SLIT3: variants seen among roughly 807,000 people sequenced by gnomAD.
SLIT3 encodes slit homolog 3 protein.
SLIT3 carries 68 observed loss-of-function variants against 184.0 expected under a neutral mutation model. The ratio of observed to expected loss-of-function variants is 0.37; its 90% CI spans 0.30 to 0.45. The LOEUF (loss-of-function observed/expected upper bound fraction) is 0.45, where lower values mean the gene tolerates loss of function less well. Ranked by LOEUF, SLIT3 falls within the 20% of genes least tolerant of loss-of-function variation. The pLI is 1.00. For synonymous variants in SLIT3, 831 were observed against 828.6 expected, an observed-to-expected ratio of 1.00 and a Z score of -0.05; for missense variants, 1,707 against 2,026.0, an observed-to-expected ratio of 0.84 and a Z score of 3.02.
At chr5:168,690,246 C>T (rs916299394) in intron 29 of SLIT3, among the ~76,000 whole-genome samples, 2 of 152,038 alleles carry the variant, frequency 1.3e-5, no homozygotes, top group African/African-American at 2.4e-5. Context: ...AAGCGATTCT[C>T]CTGCCTCAGC....
intron 22 of SLIT3, 71 bp from the exon 23 acceptor site, chr5:168,722,398 T>C: frequency 3.0e-6 from 4 of 1,348,452 alleles, no homozygotes; most frequent in Non-Finnish European, 4.2e-6. Flanking sequence ...ACTGTTCACG[T>C]TGTGAAACAA....
At chr5:169,126,984 G>T (rs917263513) in intron 4 of SLIT3, among the ~76,000 whole-genome samples, 1 of 150,748 alleles carries the variant, frequency 6.6e-6, no homozygotes, top group African/African-American at 2.4e-5. Flanking sequence ...TGACTTCAAG[G>T]CCTCAAGTAA....
At chr5:169,078,154 C>T (rs1758819886) in intron 4 of SLIT3, among the ~76,000 whole-genome samples, 1 of 152,280 alleles carries the variant, frequency 6.6e-6, no homozygotes, top group Non-Finnish European at 1.5e-5. Context: ...CCACCCACTG[C>T]TTCAATTTCA....
At chr5:168,779,510 C>G (rs1199611084) in intron 12 of SLIT3, among the ~76,000 whole-genome samples, 2 of 152,198 alleles carry the variant, frequency 1.3e-5, no homozygotes, top group South Asian at 2.1e-4. Context: ...CTGCCACCCC[C>G]TTCCTTGGAG....
At chr5:168,835,694 C>A (rs931541405) in intron 6 of SLIT3, among the ~76,000 whole-genome samples, 2 of 151,796 alleles carry the variant, frequency 1.3e-5, no homozygotes, top group African/African-American at 4.8e-5. Flanking sequence ...ACCTGTAATC[C>A]CAGCTACTCA....
intron 4 of SLIT3, among the ~76,000 whole-genome samples, chr5:169,158,302 C>A (rs533784959): frequency 4.9e-4 from 74 of 152,046 alleles, no homozygotes; most frequent in African/African-American, 1.6e-3. Flanking sequence ...ACCATGAAGT[C>A]CAGAAGGAAG....
At chr5:168,668,933 T>C (rs369308429) in intron 35 of SLIT3, among the ~76,000 whole-genome samples, 2 of 152,246 alleles carry the variant, frequency 1.3e-5, no homozygotes, top group East Asian at 3.8e-4. Context: ...GATGCCCAGC[T>C]AATTTTTGTA....
At chr5:168,820,387 C>T (rs931096013) in intron 7 of SLIT3, among the ~76,000 whole-genome samples, 2 of 152,110 alleles carry the variant, frequency 1.3e-5, no homozygotes, top group Non-Finnish European at 2.9e-5. Context: ...ACTTTGACTT[C>T]GGGTGGCAAT....
intron 4 of SLIT3, among the ~76,000 whole-genome samples, chr5:169,056,913 C>G (rs921977416): frequency 6.6e-6 from 1 of 152,206 alleles, no homozygotes; most frequent in African/African-American, 2.4e-5. Context: ...GCTGTGTGAC[C>G]TTGCTGGGTC....
At chr5:169,160,658 G>A (rs1762447544) in intron 4 of SLIT3, among the ~76,000 whole-genome samples, 1 of 152,218 alleles carries the variant, frequency 6.6e-6, no homozygotes, top group Non-Finnish European at 1.5e-5. Flanking sequence ...TAAGCTGGAG[G>A]AATGAATCAA....
intron 1 of SLIT3, among the ~76,000 whole-genome samples, chr5:169,287,140 T>C (rs989649833): frequency 1.3e-5 from 2 of 152,134 alleles, no homozygotes; most frequent in East Asian, 1.9e-4. Flanking sequence ...GGAGGGGTGT[T>C]GGTAGGGAAC....
chr5:168,907,979 T>TAGAGAGAG lies in SLIT3; in HGVS notation c.414-24651_414-24644dup, dbSNP rs70979109. Among the ~76,000 whole-genome samples, 65 of 50,050 alleles carry TAGAGAGAG rather than the reference T, an allele frequency of 1.3e-3. 1 individual carries two copies. Among genetic ancestry groups the TAGAGAGAG allele is most frequent in the African/African-American group, 4.3e-3 (34 of 7,994 alleles). 32.8% of individuals were successfully genotyped at this position (50,050 alleles called of 152,430 possible). On this transcript the variant is annotated intron_variant, in intron 4 of 35. Coordinates refer to ENST00000519560, the MANE Select transcript of SLIT3 (RefSeq NM_003062.4). ...ATATATATATATATATATATATATATAGAGAGAGAGAGAGAGAGAGAGAGA... is the reference window on the plus strand; with the variant it reads ...ATATATATATATATATATATATATATAGAGAGAGAGAGAGAGAGAGAGAGAGAGAGAGA...
rs4868047 is a variant in SLIT3, at chr5:168,664,318, C to T, written c.*2136G>A. 0.15 allele frequency: 22,485 copies of T among 152,094 alleles called. 2,298 individuals are homozygous for T. The highest frequency in any genetic ancestry group is 0.22 in the Non-Finnish European group (14,976 of 67,972). The allele number at this position is 152,094 out of a possible 1,614,324, so 9.4% of individuals were successfully genotyped here. A position where few individuals can be genotyped will look rare whatever the true frequency, so the allele number is the denominator to read the frequency against. On this transcript the variant is annotated 3_prime_UTR_variant, in exon 36 of 36. Transcript: ENST00000519560. ...GCTTGAGCCTAGGAGGTTGAGGCTG[C>T]GGTGAGCTATGATCGAACCACTCTA...
intron 4 of SLIT3, chr5:169,036,139 A>G (rs1757238381): frequency 6.6e-6 from 1 of 152,192 alleles, no homozygotes; most frequent in African/African-American, 2.4e-5. Context: ...AGCCATTAAC[A>G]TGGAAAGAAG....
rs199898444 is a variant in SLIT3 at position 168,685,791 on chromosome 5, C to T, written c.3451G>A (p.Gly1151Ser). The T allele has an allele frequency of 8.1e-6, 13 of 1,613,252 alleles. No homozygotes were observed. Among genetic ancestry groups the T allele is most frequent in the African/African-American group, 2.7e-5 (2 of 74,924 alleles). ...PTCRCPPGFAGPRCEKLITVN... is the reference protein window; with the variant it reads ...PTCRCPPGFASPRCEKLITVN... ...GTGATGAGCTTCTCGCATCTGGGGC[C>T]GGCGAAGCCTGGTGGGCAGCGGCAG... The change falls in exon 31 of 36, where the codon GGC (glycine) becomes AGC (serine). Residue 1151 changes from glycine (G) to serine (S), a missense_variant. By Grantham distance (56) the Gly-to-Ser change is moderately conservative. Transcript: ENST00000519560.
chr5:168,780,927 C>T (rs748739649), intron 12 of SLIT3, among the ~76,000 whole-genome samples: 39 of 152,198 alleles, frequency 2.6e-4, no homozygotes, highest in Admixed American at 5.9e-4. Context: ...CCAGAATCTT[C>T]TCTGTGCTTG....
In SLIT3 at chr5:168,851,322, C is replaced by CAAAA. The variant is rs531233116; in HGVS notation, c.486-6671_486-6668dup. ...TGGGCGACAGAGTGAGACTCCGTCT[C>CAAAA]AAAAAAAAAAAAAAAAAGATAGTTA... is the stretch of plus-strand genomic sequence containing the variant. On this transcript the variant is annotated intron_variant, in intron 5 of 35. Transcript: ENST00000519560. 5.6e-3 allele frequency among the ~76,000 whole-genome samples: 432 copies of CAAAA among 77,176 alleles called. 9 individuals carry two copies. The highest frequency in any genetic ancestry group is 0.016 in the African/African-American group (331 of 20,790). The allele number at this position is 77,176 out of a possible 152,430, so 50.6% of individuals were successfully genotyped here. A position where few individuals can be genotyped will look rare whatever the true frequency, so the allele number is the denominator to read the frequency against.
Position 168,967,437 on chromosome 5 carries a change from C to CTTTTTTT in SLIT3, c.414-84108_414-84102dup, listed in dbSNP as rs540309809. Among the ~76,000 whole-genome samples, 153 of 32,732 alleles carry CTTTTTTT rather than the reference C, an allele frequency of 4.7e-3. 58 individuals are homozygous for CTTTTTTT. Among genetic ancestry groups the CTTTTTTT allele is most frequent in the South Asian group, 0.023 (11 of 478 alleles). The allele number at this position is 32,732 out of a possible 152,430, so 21.5% of individuals were successfully genotyped here. A position where few individuals can be genotyped will look rare whatever the true frequency, so the allele number is the denominator to read the frequency against. ...TTCCTCTGGCACTGCCATCTCAAATCTTTTTTTTTTTTTTTTTTTTGAGAC... is the reference window on the plus strand; with the variant it reads ...TTCCTCTGGCACTGCCATCTCAAATCTTTTTTTTTTTTTTTTTTTTTTTTTTTGAGAC... On this transcript the variant is annotated intron_variant, in intron 4 of 35. Transcript: ENST00000519560.
chr5:169,185,059 C>G (rs1035446290), intron 4 of SLIT3, among the ~76,000 whole-genome samples: 1 of 152,188 alleles, frequency 6.6e-6, no homozygotes, highest in Non-Finnish European at 1.5e-5. Flanking sequence ...ACCTCCCAGG[C>G]CTTCATCCCT....
Sources: gnomAD v4.1 joint callset for allele counts (sites outside exome capture counted in the v4.1 genomes callset) on GRCh38, gnomAD v4.1.1 for gene constraint, MANE v1.5 for transcripts, NCBI Gene and HGNC (gene_info 2026-07-23, HGNC 2026-07-21) for gene names.